Variants in SORBS2 observed in about 807,000 individuals in gnomAD.
The protein encoded by SORBS2 is sorbin and SH3 domain containing 2.
In SORBS2, 46 loss-of-function variants were observed where a neutral mutation model predicts 97.7. The observed-to-expected ratio is 0.47, with a 90% confidence interval of 0.37 to 0.60. SORBS2 has a LOEUF of 0.60. SORBS2 is among the 20% of genes least tolerant of loss of function. The probability of loss-of-function intolerance (pLI) is 0.00; values close to 1 mark genes in which losing one functional copy is unlikely to be tolerated. For synonymous variants in SORBS2, 476 were observed against 473.4 expected (o/e 1.01, Z -0.07); for missense variants, 1,316 against 1,282.3 (o/e 1.03, Z -0.40).
At chr4:185,651,042 T>G (rs946083359) in intron 2 of SORBS2, among the ~76,000 whole-genome samples, 6 of 152,024 alleles carry the variant, frequency 3.9e-5, no homozygotes, top group African/African-American at 1.5e-4. Context: ...AGGGGAGCAG[T>G]GCCAGCCTCC....
exon 15 of SORBS2, chr4:185,587,588 T>C: frequency 2.7e-5 from 43 of 1,596,620 alleles, no homozygotes; most frequent in Non-Finnish European, 3.7e-5. Context: ...CGCAGGTGCA[T>C]GGCTGGCAGG....
chr4:185,927,479 C>T (rs1202453889), intron 1 of SORBS2, among the ~76,000 whole-genome samples: 10 of 151,306 alleles, frequency 6.6e-5, no homozygotes, highest in Non-Finnish European at 1.5e-5. Flanking sequence ...TATTCCACTC[C>T]CCGTGTCCAT....
intron 2 of SORBS2, among the ~76,000 whole-genome samples, chr4:185,723,121 TAATA>T (rs2098528721): frequency 6.6e-6 from 1 of 151,312 alleles, no homozygotes; most frequent in Admixed American, 6.6e-5. Flanking sequence ...TATAAAATTG[TAATA>T]AATCAATAAC....
intron 1 of SORBS2, chr4:185,918,079 T>C (rs2099259176): frequency 6.6e-6 from 1 of 152,172 alleles, no homozygotes; most frequent in African/African-American, 2.4e-5. Flanking sequence ...TTGCAATACA[T>C]TGGGTATTTA....
intron 1 of SORBS2, among the ~76,000 whole-genome samples, chr4:185,789,196 C>A (rs375033064): frequency 6.6e-6 from 1 of 152,158 alleles, no homozygotes; most frequent in Non-Finnish European, 1.5e-5. Flanking sequence ...TCTTAACACT[C>A]AAAAGTCAGC....
At chr4:185,750,247 G>A (rs967755027) in intron 2 of SORBS2, among the ~76,000 whole-genome samples, 1 of 152,224 alleles carries the variant, frequency 6.6e-6, no homozygotes, top group Non-Finnish European at 1.5e-5. Context: ...TTTTTTAAGT[G>A]TTCACTGTGT....
At chr4:185,952,323 T>C (rs2099277597) in intron 1 of SORBS2, among the ~76,000 whole-genome samples, 1 of 152,194 alleles carries the variant, frequency 6.6e-6, no homozygotes, top group Non-Finnish European at 1.5e-5. Context: ...CCACCAAGCC[T>C]GGCAAAATAG....
intron 1 of SORBS2, among the ~76,000 whole-genome samples, chr4:185,817,769 C>T (rs2099194176): frequency 6.6e-6 from 1 of 152,222 alleles, no homozygotes; most frequent in African/African-American, 2.4e-5. Flanking sequence ...TGAAACTGGG[C>T]AGCTTCCGTA....
chr4:185,828,269 G>A (rs145288621), intron 1 of SORBS2, among the ~76,000 whole-genome samples: 1 of 152,110 alleles, frequency 6.6e-6, no homozygotes, highest in Admixed American at 6.5e-5. Flanking sequence ...AAGACAAGGA[G>A]CCTGGACCTT....
chr4:185,698,290 A>G (rs1347135769), intron 2 of SORBS2, among the ~76,000 whole-genome samples: 1 of 152,148 alleles, frequency 6.6e-6, no homozygotes, highest in Non-Finnish European at 1.5e-5. Context: ...AGCCTGGCCA[A>G]CATGACGAAA....
intron 4 of SORBS2, among the ~76,000 whole-genome samples, chr4:185,632,528 G>C (rs370064468): frequency 6.6e-6 from 1 of 152,284 alleles, no homozygotes; most frequent in African/African-American, 2.4e-5. Flanking sequence ...AAATCAGATC[G>C]TTATATTACA....
chr4:185,690,822 AT>A (rs2098079524), intron 2 of SORBS2, among the ~76,000 whole-genome samples: 1 of 152,120 alleles, frequency 6.6e-6, no homozygotes, highest in Admixed American at 6.5e-5. Context: ...AAACAGACAT[AT>A]TCTGTTTTTA....
intron 12 of SORBS2, among the ~76,000 whole-genome samples, chr4:185,596,758 C>A (rs1362422411): frequency 1.3e-5 from 2 of 152,052 alleles, no homozygotes; most frequent in African/African-American, 4.8e-5. Context: ...TGGTCTCGAT[C>A]TCCTGACCTT....
At chr4:185,912,974 T>C (rs1213062749) in intron 1 of SORBS2, among the ~76,000 whole-genome samples, 2 of 151,834 alleles carry the variant, frequency 1.3e-5, no homozygotes, top group Non-Finnish European at 2.9e-5. Context: ...TAAACACTCC[T>C]GGATGATGAA....
At chr4:185,666,118 C>T (rs770394175) in intron 4 of SORBS2, 1 of 1,289,740 alleles carries the variant, frequency 7.8e-7, no homozygotes, top group African/African-American at 1.5e-5. Flanking sequence ...GGAAGGAGGG[C>T]ACGGAGGAGA....
chr4:185,674,024 T>C (rs2097758465), intron 4 of SORBS2, among the ~76,000 whole-genome samples: 1 of 152,106 alleles, frequency 6.6e-6, no homozygotes, highest in Non-Finnish European at 1.5e-5. Context: ...CTCTTGGTCC[T>C]CCCCTTTTCT....
intron 1 of SORBS2, among the ~76,000 whole-genome samples, chr4:185,890,061 A>G (rs769665492): frequency 2.6e-5 from 4 of 151,864 alleles, no homozygotes; most frequent in Non-Finnish European, 5.9e-5. Context: ...TAATTTTTGT[A>G]TTTTTAGTAG....
At chr4:185,906,225 G>T (rs972190175) in intron 1 of SORBS2, among the ~76,000 whole-genome samples, 4 of 152,158 alleles carry the variant, frequency 2.6e-5, no homozygotes, top group African/African-American at 9.7e-5. Flanking sequence ...TAGAGACAGG[G>T]TTTCTCCTTG....
intron 4 of SORBS2, among the ~76,000 whole-genome samples, chr4:185,664,096 C>T (rs1331272887): frequency 1.3e-5 from 2 of 152,086 alleles, no homozygotes; most frequent in East Asian, 1.9e-4. Flanking sequence ...CCTCGTGATC[C>T]ACCCACCTCG....
Sources: gnomAD v4.1 joint callset for allele counts (sites outside exome capture counted in the v4.1 genomes callset) on GRCh38, gnomAD v4.1.1 for gene constraint, MANE v1.5 for transcripts, NCBI Gene and HGNC (gene_info 2026-07-23, HGNC 2026-07-21) for gene names.